LRBA: variants seen among roughly 807,000 people sequenced by gnomAD.
The protein encoded by LRBA is lipopolysaccharide-responsive and beige-like anchor protein.
Under a neutral mutation model 330.0 loss-of-function variants are expected in LRBA, and 176 were observed. The ratio of observed to expected loss-of-function variants is 0.53; its 90% confidence interval spans 0.47 to 0.60. The LOEUF is 0.60. Among genes scored for constraint, LRBA ranks in the 20% least tolerant of loss-of-function variants. LRBA has a pLI of 0.00. For missense variants in LRBA, 3,259 were observed against 3,444.8 expected (o/e 0.95, Z 1.35); for synonymous variants, 1,230 against 1,193.0 (o/e 1.03, Z -0.64).
chr4:150,913,100 T>C (rs750535982), intron 9 of LRBA, among the ~76,000 whole-genome samples: 3 of 152,196 alleles, frequency 2.0e-5, no homozygotes, highest in Non-Finnish European at 4.4e-5. Context: ...TGGTATAATT[T>C]CAATCTTAAC....
chr4:150,809,598 T>A (rs1430437332), intron 31 of LRBA, among the ~76,000 whole-genome samples: 1 of 152,162 alleles, frequency 6.6e-6, no homozygotes, highest in African/African-American at 2.4e-5. Context: ...CTCACGCCAG[T>A]AATCCCAACA....
At chr4:150,863,846 C>G (rs1200999254) in intron 22 of LRBA, among the ~76,000 whole-genome samples, 1 of 152,152 alleles carries the variant, frequency 6.6e-6, no homozygotes, top group East Asian at 1.9e-4. Flanking sequence ...ATATAGGGAA[C>G]TCAAAAAGAC....
At chr4:150,433,551 CT>C (rs1750711426) in intron 46 of LRBA, among the ~76,000 whole-genome samples, 3 of 151,706 alleles carry the variant, frequency 2.0e-5, no homozygotes, top group Non-Finnish European at 2.9e-5. Flanking sequence ...TAGTAGCAAA[CT>C]TAGGTATGAG....
chr4:150,563,808 C>T (rs62344742), intron 40 of LRBA, among the ~76,000 whole-genome samples: 25,714 of 151,958 alleles, frequency 0.17, 2,780 homozygotes, highest in Non-Finnish European at 0.24. Flanking sequence ...AATAAAATAC[C>T]TAGGAAGCCA....
intron 46 of LRBA, among the ~76,000 whole-genome samples, chr4:150,421,869 G>A (rs1289312093): frequency 6.6e-6 from 1 of 151,948 alleles, no homozygotes; most frequent in African/African-American, 2.4e-5. Context: ...TCTCATCCCT[G>A]GATCCTCCAG....
intron 40 of LRBA, among the ~76,000 whole-genome samples, chr4:150,525,404 T>C (rs1279438576): frequency 3.9e-5 from 6 of 152,098 alleles, no homozygotes; most frequent in African/African-American, 1.2e-4. Flanking sequence ...CAATCTATAA[T>C]ACCTATTGAA....
At chr4:150,721,774 G>A (rs61258128) in intron 36 of LRBA, among the ~76,000 whole-genome samples, 13,469 of 151,994 alleles carry the variant, frequency 0.089, 1,036 homozygotes, top group African/African-American at 0.22. Flanking sequence ...GCTACCTCAC[G>A]CCTGGCTAAT....
At chr4:150,978,860 T>C (rs190799355) in intron 2 of LRBA, among the ~76,000 whole-genome samples, 77 of 151,884 alleles carry the variant, frequency 5.1e-4, no homozygotes, top group Non-Finnish European at 7.9e-4. Flanking sequence ...AAGAAAAGAA[T>C]ACAAAAGAAT....
At chr4:150,734,968 T>C (rs563790205) in intron 36 of LRBA, among the ~76,000 whole-genome samples, 2 of 152,178 alleles carry the variant, frequency 1.3e-5, no homozygotes, top group African/African-American at 2.4e-5. Context: ...GTTTTCTTTA[T>C]AGGAAAACCA....
intron 35 of LRBA, among the ~76,000 whole-genome samples, chr4:150,759,279 G>A (rs113783509): frequency 9.5e-4 from 144 of 152,230 alleles, no homozygotes; most frequent in African/African-American, 3.3e-3. Flanking sequence ...TCATGCAATG[G>A]CTGTCATTTC....
intron 35 of LRBA, among the ~76,000 whole-genome samples, chr4:150,746,164 T>C (rs973622676): frequency 5.3e-5 from 8 of 152,234 alleles, no homozygotes; most frequent in Non-Finnish European, 1.2e-4. Flanking sequence ...CATATATACA[T>C]ATATACAAAT....
At chr4:150,811,070 T>C (rs1334616896) in intron 31 of LRBA, among the ~76,000 whole-genome samples, 1 of 152,194 alleles carries the variant, frequency 6.6e-6, no homozygotes, top group Non-Finnish European at 1.5e-5. Context: ...TCAGGTCCAA[T>C]CCTAAAATCA....
At chr4:150,731,411 T>C (rs953666926) in intron 36 of LRBA, among the ~76,000 whole-genome samples, 1 of 152,132 alleles carries the variant, frequency 6.6e-6, no homozygotes, top group African/African-American at 2.4e-5. Flanking sequence ...AAAAGATGAA[T>C]GGATAAAGAA....
At chr4:150,948,462 T>A (rs1463089536) in intron 2 of LRBA, among the ~76,000 whole-genome samples, 4 of 152,008 alleles carry the variant, frequency 2.6e-5, no homozygotes, top group African/African-American at 9.7e-5. Flanking sequence ...ACACAAAAAC[T>A]AACTCAATAT....
chr4:150,632,043 CAACATGTTG>C (rs1777433015), intron 37 of LRBA, among the ~76,000 whole-genome samples: 1 of 152,034 alleles, frequency 6.6e-6, no homozygotes, highest in African/African-American at 2.4e-5. Flanking sequence ...CCAGCCTGGC[CAACATGTTG>C]AAACCCCTTC....
At chr4:150,415,745 T>C (rs1000220075) in intron 46 of LRBA, among the ~76,000 whole-genome samples, 155 bp from the exon 47 acceptor site, 1 of 152,164 alleles carries the variant, frequency 6.6e-6, no homozygotes. Flanking sequence ...TCACAGTTTC[T>C]CATAAGATAG....
At position 150,851,915 on chromosome 4, in the gene LRBA, T is replaced by C; in HGVS notation, c.3795A>G (p.Glu1265=). 1 of 1,613,824 alleles carries C rather than the reference T, an allele frequency of 6.2e-7. No individual in the cohort carries two copies. The highest frequency in any genetic ancestry group is 1.1e-5 in the South Asian group (1 of 91,000). Reference sequence around the variant, plus strand: ...GCACATGTCGATGAGGTTGAGGTGCTTCCACGTTGGGACTGGCCTTCAACT... The same window carrying C: ...GCACATGTCGATGAGGTTGAGGTGCCTCCACGTTGGGACTGGCCTTCAACT... ...RLELKASPNV[E]APQPHRHVLE... The change falls in exon 23 of 57, where the codon GAA becomes GAG. Residue 1265 remains glutamate, a synonymous_variant. Transcript: ENST00000651943.
intron 44 of LRBA, among the ~76,000 whole-genome samples, chr4:150,465,759 G>A (rs1463980887): frequency 6.6e-6 from 1 of 151,908 alleles, no homozygotes; most frequent in Admixed American, 6.6e-5. Flanking sequence ...TGTGATCCAT[G>A]AATAAGGCTT....
At chr4:150,812,593 A>G (rs886921556) in intron 31 of LRBA, among the ~76,000 whole-genome samples, 1 of 152,192 alleles carries the variant, frequency 6.6e-6, no homozygotes, top group Non-Finnish European at 1.5e-5. Flanking sequence ...AACAAATCCT[A>G]TTGAATGAAT....
Sources: allele counts gnomAD v4.1 joint callset (sites outside exome capture counted in the v4.1 genomes callset), GRCh38; gene constraint gnomAD v4.1.1; transcripts MANE v1.5; gene names NCBI Gene and HGNC (gene_info 2026-07-23, HGNC 2026-07-21).